FAT3: variants seen among roughly 807,000 people sequenced by gnomAD.
FAT3 encodes FAT atypical cadherin 3.
Under a neutral mutation model 310.2 loss-of-function variants are expected in FAT3, and 95 were observed. That is an observed-to-expected ratio of 0.31 (90% CI 0.26 to 0.36). The LOEUF is 0.36. Among genes scored for constraint, FAT3 ranks in the 10% least tolerant of loss-of-function variants. FAT3 has a pLI of 1.00. For missense variants in FAT3, 5,408 were observed against 5,715.6 expected (o/e 0.95, Z 1.74); for synonymous variants, 2,314 against 2,192.9 (o/e 1.06, Z -1.54).
chr11:92,391,522 A>T (rs368536543), intron 2 of FAT3, among the ~76,000 whole-genome samples: 13 of 152,204 alleles, frequency 8.5e-5, no homozygotes, highest in East Asian at 3.9e-4. Context: ...ACACAGGATC[A>T]GTGTGTGTAA....
At chr11:92,658,393 T>C (rs1942655852) in intron 3 of FAT3, among the ~76,000 whole-genome samples, 1 of 152,324 alleles carries the variant, frequency 6.6e-6, no homozygotes, top group South Asian at 2.1e-4. Context: ...CATGTGAAGA[T>C]GTTAGCTACC....
At chr11:92,648,347 G>T (rs1942239624) in intron 3 of FAT3, among the ~76,000 whole-genome samples, 1 of 152,216 alleles carries the variant, frequency 6.6e-6, no homozygotes, top group Non-Finnish European at 1.5e-5. Context: ...CATATAAGTG[G>T]CACCTTTGAC....
At chr11:92,289,534 C>T (rs946571074) in intron 1 of FAT3, among the ~76,000 whole-genome samples, 2 of 142,868 alleles carry the variant, frequency 1.4e-5, no homozygotes, top group Admixed American at 1.4e-4. Flanking sequence ...CACACACACA[C>T]ACATATATAT....
chr11:92,597,276 T>G (rs1939760260), intron 3 of FAT3, among the ~76,000 whole-genome samples: 1 of 152,224 alleles, frequency 6.6e-6, no homozygotes, highest in Non-Finnish European at 1.5e-5. Flanking sequence ...CAACATTTTT[T>G]GTGTACCTTA....
At chr11:92,278,803 A>G (rs889123345) in intron 1 of FAT3, among the ~76,000 whole-genome samples, 1 of 152,130 alleles carries the variant, frequency 6.6e-6, no homozygotes, top group Admixed American at 6.6e-5. Flanking sequence ...GCGATTAGTA[A>G]AGGTATGGAG....
At chr11:92,405,675 T>C (rs906616692) in intron 2 of FAT3, among the ~76,000 whole-genome samples, 8 of 152,164 alleles carry the variant, frequency 5.3e-5, no homozygotes, top group African/African-American at 1.9e-4. Flanking sequence ...CACTTGGGAC[T>C]AGGAGCTTGA....
chr11:92,714,047 G>A (rs1158834596), intron 4 of FAT3, among the ~76,000 whole-genome samples: 1 of 152,180 alleles, frequency 6.6e-6, no homozygotes, highest in Non-Finnish European at 1.5e-5. Context: ...TCTAGTTACA[G>A]CGTCTATTCC....
intron 3 of FAT3, among the ~76,000 whole-genome samples, chr11:92,612,312 A>C (rs1267016419): frequency 1.3e-5 from 2 of 152,194 alleles, no homozygotes; most frequent in Non-Finnish European, 2.9e-5. Context: ...CTCAGGGCCC[A>C]TGCCCAATAA....
intron 3 of FAT3, among the ~76,000 whole-genome samples, chr11:92,669,223 A>G (rs1341225313): frequency 6.6e-6 from 1 of 152,276 alleles, no homozygotes; most frequent in East Asian, 1.9e-4. Flanking sequence ...TGGAGAATTA[A>G]TTCTTTCACC....
At chr11:92,559,899 A>G (rs1418389200) in intron 3 of FAT3, among the ~76,000 whole-genome samples, 1 of 152,194 alleles carries the variant, frequency 6.6e-6, no homozygotes, top group East Asian at 1.9e-4. Context: ...TCTTTTGACT[A>G]TTAGAAACAA....
At chr11:92,283,135 G>A (rs1299470488) in intron 1 of FAT3, among the ~76,000 whole-genome samples, 1 of 152,106 alleles carries the variant, frequency 6.6e-6, no homozygotes, top group Admixed American at 6.6e-5. Context: ...AGCCCAGCCC[G>A]ATTGTCTTAA....
intron 2 of FAT3, among the ~76,000 whole-genome samples, chr11:92,396,654 C>T (rs868242658): frequency 6.6e-6 from 1 of 152,262 alleles, no homozygotes; most frequent in South Asian, 2.1e-4. Flanking sequence ...TCTCATCATA[C>T]CGTTCTTAGT....
At chr11:92,413,331 A>G (rs1950337854) in intron 2 of FAT3, among the ~76,000 whole-genome samples, 1 of 152,202 alleles carries the variant, frequency 6.6e-6, no homozygotes, top group African/African-American at 2.4e-5. Context: ...CTGTGCTGAT[A>G]AGGTGTTATA....
Position 92,857,230 on chromosome 11 carries a change from G to T in FAT3, c.11382G>T (p.Gly3794=). The T allele has an allele frequency of 6.2e-7, 1 of 1,613,958 alleles. No homozygotes were observed. ...RCTCNGGLCP[G]SNDPCVEKPC... is the part of the protein sequence containing the mutation. ...TTGTCACAGGAGGACTGTGTCCGGG[G>T]TCCAACGATCCTTGTGTGGAGAAGC... Residue 3794 remains glycine, a synonymous_variant, in exon 20 of 28, where the codon GGG becomes GGT. Coordinates refer to ENST00000525166, the MANE Select transcript of FAT3 (RefSeq NM_001367949.2).
chr11:92,572,509 C>G (rs1397369327), intron 3 of FAT3, among the ~76,000 whole-genome samples: 2 of 152,026 alleles, frequency 1.3e-5, no homozygotes, highest in African/African-American at 4.8e-5. Context: ...TAATATCTGC[C>G]CATGCTTAAC....
rs944950931 is a variant in FAT3 at position 92,762,070 on chromosome 11, T to C, written c.3884T>C (p.Ile1295Thr). 2 of 1,613,958 alleles carry C rather than the reference T, an allele frequency of 1.2e-6. No homozygotes were observed. The highest frequency in any genetic ancestry group is 1.7e-6 in the Non-Finnish European group (2 of 1,179,878). ...EGPNAEISYS[I>T]VDGNDDGKFF... ...CCCAACGCAGAAATCTCCTACAGTATTGTGGATGGGAATGATGACGGAAAG... is the reference window on the plus strand; with the variant it reads ...CCCAACGCAGAAATCTCCTACAGTACTGTGGATGGGAATGATGACGGAAAG... The change falls in exon 5 of 28, where the codon ATT (isoleucine) becomes ACT (threonine). Residue 1295 changes from isoleucine to threonine, a missense_variant. Around this residue, in one of 5 missense-constraint regions of FAT3, gnomAD observed 4,588 missense variants for 4,809.8 expected, o/e 0.95. Coordinates refer to ENST00000525166, the MANE Select transcript of FAT3 (RefSeq NM_001367949.2).
intron 1 of FAT3, among the ~76,000 whole-genome samples, chr11:92,337,282 C>G (rs559985630): frequency 4.2e-4 from 64 of 152,262 alleles, no homozygotes; most frequent in African/African-American, 1.2e-3. Context: ...ATTTCTGGTT[C>G]AGGACATTTA....
chr11:92,278,668 C>CA (rs1443823828), intron 1 of FAT3, among the ~76,000 whole-genome samples: 1 of 152,042 alleles, frequency 6.6e-6, no homozygotes, highest in East Asian at 1.9e-4. Context: ...AAGAACCTGT[C>CA]AAAATAAATA....
At chr11:92,280,315 C>G (rs535643879) in intron 1 of FAT3, among the ~76,000 whole-genome samples, 1 of 151,918 alleles carries the variant, frequency 6.6e-6, no homozygotes, top group African/African-American at 2.4e-5. Flanking sequence ...TTTGAGAGGC[C>G]TGGATGTAGG....
Sources: allele counts gnomAD v4.1 joint callset (sites outside exome capture counted in the v4.1 genomes callset), GRCh38; gene constraint gnomAD v4.1.1; regional missense constraint gnomAD v4.1.1; transcripts MANE v1.5; gene names NCBI Gene and HGNC (gene_info 2026-07-23, HGNC 2026-07-21).